Variants in ZSCAN1 observed in about 807,000 individuals in gnomAD.
ZSCAN1 encodes zinc finger and SCAN domain-containing protein 1.
In ZSCAN1, 23 loss-of-function variants were observed where a neutral mutation model predicts 23.8. The observed-to-expected ratio is 0.97, with a 90% CI of 0.70 to 1.37. The LOEUF is 1.37. Ranked by LOEUF, ZSCAN1 falls within the 40% of genes most tolerant of loss-of-function variation. The pLI, the probability that ZSCAN1 is intolerant of heterozygous loss-of-function variation, is 0.00. For missense variants in ZSCAN1, 575 were observed against 554.0 expected, an observed-to-expected ratio of 1.04 and a Z score of -0.38; for synonymous variants, 236 against 232.3, an observed-to-expected ratio of 1.02 and a Z score of -0.15.
chr19:58,036,430 T>A (rs2073736708), intron 2 of ZSCAN1, among the ~76,000 whole-genome samples: 1 of 152,188 alleles, frequency 6.6e-6, no homozygotes. Context: ...TTTTTATTTT[T>A]ACAACTTTTA....
rs181648098 is a variant in ZSCAN1 at position 58,044,755 on chromosome 19, C to A, written c.465+4211C>A. The A allele has an allele frequency of 3.3e-5, 24 of 724,194 alleles. No individual in the cohort carries two copies. In the African/African-American group the frequency reaches 3.5e-4, roughly 10 times the overall value. The allele number at this position is 724,194 out of a possible 1,614,324, so 44.9% of individuals were successfully genotyped here. A position where few individuals can be genotyped will look rare whatever the true frequency, so the allele number is the denominator to read the frequency against. On this transcript the variant is annotated intron_variant, in intron 4 of 5. Coordinates refer to ENST00000282326, the MANE Select transcript of ZSCAN1 (RefSeq NM_182572.4). ...GAAAGTTTCATTTGGCTGCTGCACT[C>A]CCACCCACCCTGCCTACCCGTGCTT...
At chr19:58,039,605 A>C (rs1284101076) in intron 3 of ZSCAN1, among the ~76,000 whole-genome samples, 2 of 152,078 alleles carry the variant, frequency 1.3e-5, no homozygotes, top group Admixed American at 1.3e-4. Context: ...CGTCTCTACT[A>C]AAAATACAAA....
chr19:58,052,624 G>A lies in ZSCAN1; in HGVS notation c.600G>A (p.Leu200=). The A allele has an allele frequency of 6.3e-7, 1 of 1,598,464 alleles. No individual in the cohort carries two copies. The highest frequency in any genetic ancestry group is 8.5e-7 in the Non-Finnish European group (1 of 1,171,760). ...AEAEAPRAPG[L]LGSRARLPLK... ...CCGAAGCGCCCCGCGCCCCTGGCTT[G>A]CTGGGTGAGTCTGGCTCCTGTGTGG... Residue 200 remains leucine, a synonymous_variant, in exon 5 of 6, where the codon TTG becomes TTA. Transcript: ENST00000282326.
rs2073874546 is a variant in ZSCAN1, at chr19:58,053,776, G to C, written c.952G>C (p.Gly318Arg). Residue 318 changes from glycine to arginine, a missense_variant, in exon 6 of 6, where the codon GGG (glycine) becomes CGG (arginine). Physicochemically the swap from Gly to Arg is moderately radical, Grantham distance 125 (BLOSUM62 -2). Transcript: ENST00000282326. This position sits in a 1 kb window ranked among gnomAD's most constrained non-coding sequence, Gnocchi z 5.8. ...GCACCAGAAGACCCATCGCGAGGAA[G>C]GGCCCTTTCCGTGCCCCGAGTGTGG... ...IEHQKTHREE[G>R]PFPCPECGKV... 2.5e-6 allele frequency: 4 copies of C among 1,614,016 alleles called. No individual in the cohort carries two copies. The South Asian group carries it at 4.4e-5, about 18-fold the overall frequency.
At chr19:58,052,439 G>T in intron 4 of ZSCAN1, 51 bp from the exon 5 acceptor site, 1 of 1,612,280 alleles carries the variant, frequency 6.2e-7, no homozygotes, top group Non-Finnish European at 8.5e-7. Context: ...GTGGTGGGGA[G>T]GATGGCTCCT....
intron 4 of ZSCAN1, chr19:58,044,864 T>G (rs1599904671): frequency 1.3e-6 from 1 of 769,660 alleles, no homozygotes; most frequent in South Asian, 1.4e-5. Context: ...TCCACCTCTG[T>G]GGGTTTTGTG....
chr19:58,053,105 G>A lies in ZSCAN1; in HGVS notation c.605-324G>A, dbSNP rs940318519. ...CTCCTGAGTAGCTGGGATTACAGGC[G>A]CACACCACCACGCCCAGCTAATTTT... On this transcript the variant is annotated intron_variant, in intron 5 of 5. Coordinates refer to ENST00000282326, the MANE Select transcript of ZSCAN1 (RefSeq NM_182572.4). The surrounding 1 kb of genome is among the most constrained non-coding windows in gnomAD (Gnocchi z 5.8). 1.1e-4 allele frequency among the ~76,000 whole-genome samples: 16 copies of A among 151,994 alleles called. No individual in the cohort carries two copies. The highest frequency in any genetic ancestry group is 3.6e-4 in the African/African-American group (15 of 41,474).
In ZSCAN1 at chr19:58,045,659, A is replaced by C. The variant is rs910746379; in HGVS notation, c.465+5115A>C. On this transcript the variant is annotated intron_variant, in intron 4 of 5. Transcript: ENST00000282326. The surrounding 1 kb of genome is among the most constrained non-coding windows in gnomAD (Gnocchi z 4.3). The stretch of plus-strand genomic sequence containing the variant: ...GCAGAGGACAAGCTGTTTGCTGAGG[A>C]AGGGGTGGACAGCCTGAACGTCAAG... 4.4e-6 allele frequency: 4 copies of C among 916,160 alleles called. No homozygotes were observed. Among genetic ancestry groups the C allele is most frequent in the Non-Finnish European group, 7.3e-6 (4 of 545,638 alleles). 56.8% of individuals were successfully genotyped at this position (916,160 alleles called of 1,614,324 possible). A position where few individuals can be genotyped will look rare whatever the true frequency, so the allele number is the denominator to read the frequency against.
intron 1 of ZSCAN1, among the ~76,000 whole-genome samples, chr19:58,034,703 A>G (rs976961705): frequency 3.0e-4 from 10 of 33,626 alleles, no homozygotes; most frequent in Admixed American, 1.7e-3. Flanking sequence ...CCCCAGGCCC[A>G]TCTCCCTCCT....
intron 4 of ZSCAN1, among the ~76,000 whole-genome samples, chr19:58,051,283 G>A (rs1273814588): frequency 2.9e-5 from 4 of 137,978 alleles, no homozygotes; most frequent in African/African-American, 1.0e-4. Context: ...AGGGAGTCCC[G>A]CCTTTACTCC....
rs922455536 is a variant in ZSCAN1, at chr19:58,047,252, T to C, written c.466-5238T>C. Among the ~76,000 whole-genome samples, 3 of 152,226 alleles carry C rather than the reference T, an allele frequency of 2.0e-5. No individual in the cohort carries two copies. Among genetic ancestry groups the C allele is most frequent in the African/African-American group, 7.2e-5 (3 of 41,466 alleles). ...CTTGCTTTCTAGATTTCAGCATCAATAGACCTGTCTTCCTGCATGCTTTTA... is the reference window on the plus strand; with the variant it reads ...CTTGCTTTCTAGATTTCAGCATCAACAGACCTGTCTTCCTGCATGCTTTTA... On this transcript the variant is annotated intron_variant, in intron 4 of 5. Coordinates refer to ENST00000282326, the MANE Select transcript of ZSCAN1 (RefSeq NM_182572.4). The surrounding 1 kb of genome is among the most constrained non-coding windows in gnomAD (Gnocchi z 4.9).
chr19:58,050,466 A>G (rs2073852036), intron 4 of ZSCAN1, among the ~76,000 whole-genome samples: 1 of 152,078 alleles, frequency 6.6e-6, no homozygotes, highest in Admixed American at 6.5e-5. Flanking sequence ...AGCTATTAAG[A>G]TAATTCCTCA....
rs1024873102 is a variant in ZSCAN1, at chr19:58,045,730, G to A, written c.465+5186G>A. On this transcript the variant is annotated intron_variant, in intron 4 of 5. Transcript: ENST00000282326. This position sits in a 1 kb window ranked among gnomAD's most constrained non-coding sequence, Gnocchi z 4.3. ...GGCACGAGGCATGCGGGCCCTGGGC[G>A]TCAGGGAAAACCACCTGAGGGGCCA... 4.4e-5 allele frequency: 51 copies of A among 1,166,000 alleles called. No homozygotes were observed. Among genetic ancestry groups the A allele is most frequent in the African/African-American group, 2.9e-4 (19 of 66,212 alleles). The allele number at this position is 1,166,000 out of a possible 1,614,324, so 72.2% of individuals were successfully genotyped here.
chr19:58,044,803 T>C (rs1386805616), intron 4 of ZSCAN1: 1 of 729,454 alleles, frequency 1.4e-6, no homozygotes, highest in East Asian at 2.7e-5. Context: ...CCTCAGCTGT[T>C]GGACTCTGAG....
chr19:58,042,333 C>T (rs528344544), intron 4 of ZSCAN1, among the ~76,000 whole-genome samples: 81 of 151,878 alleles, frequency 5.3e-4, no homozygotes, highest in African/African-American at 1.9e-3. Context: ...TCTCGGCTCA[C>T]TGCAAGCTCT....
chr19:58,039,250 A>T (rs1281722439), intron 3 of ZSCAN1, among the ~76,000 whole-genome samples: 1 of 152,210 alleles, frequency 6.6e-6, no homozygotes, highest in Non-Finnish European at 1.5e-5. Context: ...ATCCTGGGGT[A>T]GAGGGCCCAA....
Position 58,037,924 on chromosome 19 carries a change from AG to A in ZSCAN1, c.89del (p.Ser30ThrfsTer38). On this transcript the variant is annotated frameshift_variant, in exon 3 of 6. Transcript: ENST00000282326. LOFTEE classifies it high-confidence loss of function. ...GCAGGACGCAGACCCTGGGCCAGCA[AG>A]CCCCAGGGACACCGAAGCCCAGCGT... ...SEQDADPGPA[S>X]PRDTEAQRLR... The A allele has an allele frequency of 6.2e-7, 1 of 1,600,862 alleles. No homozygotes were observed. Among genetic ancestry groups the A allele is most frequent in the Non-Finnish European group, 8.5e-7 (1 of 1,178,514 alleles).
chr19:58,046,736 G>C, intron 4 of ZSCAN1: 1 of 786,784 alleles, frequency 1.3e-6, no homozygotes, highest in East Asian at 2.5e-5. Context: ...AGAAGGAGAA[G>C]GTGGAGAAGG....
At chr19:58,044,953 T>TCCC in intron 4 of ZSCAN1, 1 of 1,049,540 alleles carries the variant, frequency 9.5e-7, no homozygotes, top group Middle Eastern at 2.0e-4. Flanking sequence ...AGTAGAGAAG[T>TCCC]CCCTCAAGTC....
Sources: allele counts gnomAD v4.1 joint callset (sites outside exome capture counted in the v4.1 genomes callset), GRCh38; gene constraint gnomAD v4.1.1; non-coding constraint Gnocchi (gnomAD v3.1); transcripts MANE v1.5; gene names NCBI Gene and HGNC (gene_info 2026-07-23, HGNC 2026-07-21).